IL7: variants seen among roughly 807,000 people sequenced by gnomAD.
IL7 encodes interleukin-7.
IL7 carries 3 observed loss-of-function variants against 21.6 expected under a neutral mutation model. The observed-to-expected ratio is 0.14, with a 90% confidence interval of 0.06 to 0.36. The LOEUF (loss-of-function observed/expected upper bound fraction) is 0.36, where lower values mean the gene tolerates loss of function less well. Among genes scored for constraint, IL7 ranks in the 10% least tolerant of loss-of-function variants. IL7 has a pLI of 1.00. For missense variants in IL7, 175 were observed against 200.2 expected, an observed-to-expected ratio of 0.87 and a Z score of 0.76; for synonymous variants, 62 against 68.1, an observed-to-expected ratio of 0.91 and a Z score of 0.44.
chr8:78,760,471 CCT>C (rs1812514905), intron 2 of IL7: 13 of 1,544,764 alleles, frequency 8.4e-6, no homozygotes, highest in Non-Finnish European at 1.0e-5. Context: ...TATCTTTCCC[CCT>C]GTGTTTCCAT....
At chr8:78,680,688 C>T (rs1003321273) in intron 4 of IL7, among the ~76,000 whole-genome samples, 1 of 152,056 alleles carries the variant, frequency 6.6e-6, no homozygotes, top group African/African-American at 2.4e-5. Context: ...AGGATTGCCC[C>T]AAAGCAGTTG....
intron 4 of IL7, among the ~76,000 whole-genome samples, chr8:78,680,783 A>C (rs1278911910): frequency 6.6e-6 from 1 of 152,196 alleles, no homozygotes; most frequent in Non-Finnish European, 1.5e-5. Flanking sequence ...TGCTACCTTA[A>C]AGTTGAGGGG....
intron 2 of IL7, among the ~76,000 whole-genome samples, chr8:78,782,227 C>A (rs1325445924): frequency 6.6e-6 from 1 of 152,166 alleles, no homozygotes; most frequent in Non-Finnish European, 1.5e-5. Context: ...GTTTATCCAT[C>A]TCAGCCTCAG....
intron 2 of IL7, chr8:78,761,081 T>A: frequency 1.3e-5 from 21 of 1,606,652 alleles, no homozygotes; most frequent in Non-Finnish European, 1.6e-5. Context: ...ATTTATACCA[T>A]CTAAACATAA....
intron 2 of IL7, among the ~76,000 whole-genome samples, chr8:78,789,047 T>C (rs1813600757): frequency 6.6e-6 from 1 of 152,198 alleles, no homozygotes; most frequent in Non-Finnish European, 1.5e-5. Context: ...TACTCCCATT[T>C]TGATTAGTGT....
chr8:78,797,691 C>T (rs4739139), intron 2 of IL7: 14,516 of 157,624 alleles, frequency 0.092, 873 homozygotes, highest in East Asian at 0.28. Context: ...AAATACACAT[C>T]TATTCACCAT....
intron 3 of IL7, among the ~76,000 whole-genome samples, chr8:78,692,061 C>T (rs1453329019): frequency 6.6e-6 from 1 of 152,108 alleles, no homozygotes; most frequent in Non-Finnish European, 1.5e-5. Flanking sequence ...AATTTTTTCT[C>T]TTTGCAATTT....
At chr8:78,683,246 C>A (rs373644198) in intron 4 of IL7, among the ~76,000 whole-genome samples, 3 of 152,230 alleles carry the variant, frequency 2.0e-5, no homozygotes, top group African/African-American at 7.2e-5. Flanking sequence ...TGTGTGTGGA[C>A]TCCAATCTCT....
At chr8:78,728,055 A>G (rs1489850307), downstream of IL7, among the ~76,000 whole-genome samples, 1 of 152,086 alleles carries the variant, frequency 6.6e-6, no homozygotes, top group Admixed American at 6.6e-5. Context: ...ATAGTCATGC[A>G]TATATCTAAC....
chr8:78,762,202 T>C, intron 2 of IL7: 6 of 1,590,726 alleles, frequency 3.8e-6, no homozygotes. Flanking sequence ...CTCGAAGAAC[T>C]GTCCTATAAG....
intron 3 of IL7, among the ~76,000 whole-genome samples, chr8:78,698,814 T>A (rs1307141545): frequency 6.6e-6 from 1 of 152,208 alleles, no homozygotes; most frequent in Admixed American, 6.5e-5. Context: ...TAACTATAAT[T>A]TACTAAGCAC....
intron 2 of IL7, among the ~76,000 whole-genome samples, chr8:78,788,851 C>T (rs773672141): frequency 1.3e-5 from 2 of 152,108 alleles, no homozygotes; most frequent in Non-Finnish European, 2.9e-5. Context: ...ATAATAGATA[C>T]ATGTATTTCT....
At chr8:78,803,677 G>C (rs1198898718) in intron 1 of IL7, among the ~76,000 whole-genome samples, 1 of 152,180 alleles carries the variant, frequency 6.6e-6, no homozygotes, top group African/African-American at 2.4e-5. Flanking sequence ...GTGTTGCAAG[G>C]ATTAGAACCA....
At chr8:78,736,451 G>A (rs1324507624) in intron 5 of IL7, 23 bp downstream of exon 5, 5 of 1,513,128 alleles carry the variant, frequency 3.3e-6, no homozygotes, top group African/African-American at 2.8e-5. Flanking sequence ...GAACCATAAG[G>A]AAAATTATAC....
chr8:78,747,545 C>T (rs1413733917), intron 2 of IL7, among the ~76,000 whole-genome samples: 1 of 152,166 alleles, frequency 6.6e-6, no homozygotes, highest in Non-Finnish European at 1.5e-5. Context: ...AAAATCTACT[C>T]TGTATGAAAT....
chr8:78,788,849 T>C (rs77105533), intron 2 of IL7, among the ~76,000 whole-genome samples: 1,628 of 152,320 alleles, frequency 0.011, 13 homozygotes, highest in Non-Finnish European at 0.017. Context: ...TAATAATAGA[T>C]ACATGTATTT....
chr8:78,732,601 T>G (rs1811447435), downstream of IL7, among the ~76,000 whole-genome samples: 2 of 152,176 alleles, frequency 1.3e-5, no homozygotes, highest in African/African-American at 4.8e-5. Context: ...CCAGACAAGT[T>G]TCTTTTAAAA....
intron 2 of IL7, among the ~76,000 whole-genome samples, chr8:78,746,586 G>A (rs769272576): frequency 5.3e-5 from 8 of 152,154 alleles, no homozygotes; most frequent in Non-Finnish European, 7.3e-5. Flanking sequence ...CAAGAGGAGG[G>A]AATTTAAGCT....
At chr8:78,794,121 G>A (rs764305144) in intron 2 of IL7, among the ~76,000 whole-genome samples, 6 of 152,004 alleles carry the variant, frequency 3.9e-5, no homozygotes, top group Admixed American at 6.6e-5. Context: ...AACTTCTTCC[G>A]AACTCCTGTT....
Sources: gnomAD v4.1 joint callset for allele counts (sites outside exome capture counted in the v4.1 genomes callset) on GRCh38, gnomAD v4.1.1 for gene constraint, MANE v1.5 for transcripts, NCBI Gene and HGNC (gene_info 2026-07-23, HGNC 2026-07-21) for gene names.